The following NDUFAF2 variants were observed in gnomAD, a reference collection of about 807,000 sequenced individuals.
NDUFAF2 encodes NADH:ubiquinone oxidoreductase complex assembly factor 2.
In NDUFAF2, 13 loss-of-function variants were observed where a neutral mutation model predicts 22.8. That is an observed-to-expected ratio of 0.57 (90% CI 0.37 to 0.91). The LOEUF (loss-of-function observed/expected upper bound fraction) is 0.91. Among genes scored for constraint, NDUFAF2 ranks in the 40% least tolerant of loss-of-function variants. The pLI is 0.01. For synonymous variants in NDUFAF2, 53 were observed against 64.2 expected (o/e 0.83, Z 0.84); for missense variants, 162 against 195.2 (o/e 0.83, Z 1.01).
intron 1 of NDUFAF2, among the ~76,000 whole-genome samples, chr5:61,015,688 A>G (rs142652393): frequency 9.4e-4 from 143 of 152,330 alleles, no homozygotes; most frequent in Non-Finnish European, 1.7e-3. Flanking sequence ...ACATTAGTGC[A>G]CAGAAAATTC....
At chr5:61,074,115 T>A (rs1266049434) in intron 2 of NDUFAF2, among the ~76,000 whole-genome samples, 1 of 152,228 alleles carries the variant, frequency 6.6e-6, no homozygotes, top group Non-Finnish European at 1.5e-5. Context: ...GCATAGTGCC[T>A]GGCACATTGT....
chr5:61,077,896 AG>A (rs139289941), intron 2 of NDUFAF2, among the ~76,000 whole-genome samples: 116 of 152,358 alleles, frequency 7.6e-4, no homozygotes, highest in Middle Eastern at 3.4e-3. Flanking sequence ...GAGTGATTTA[AG>A]TAAGTTCCTA....
In NDUFAF2 at chr5:61,152,896, G is replaced by A. The variant is rs9885480; in HGVS notation, c.451G>A (p.Gly151Ser). Reference protein sequence around the residue: ...EEPSVAPSSTGKTFQPGSWMP... With the variant: ...EEPSVAPSSTSKTFQPGSWMP... ...ACCCTCAGTGGCTCCCAGCAGCACT[G>A]GTAAAACCTTTCAGCCAGGATCCTG... Residue 151 changes from glycine (G) to serine (S), a missense_variant, in exon 4 of 4, where the codon GGT becomes AGT. By Grantham distance (56) the Gly-to-Ser change is moderately conservative. Transcript: ENST00000296597. 5,433 of 1,613,166 alleles carry A rather than the reference G, an allele frequency of 3.4e-3. 34 individuals are homozygous for A. Among genetic ancestry groups the A allele is most frequent in the Non-Finnish European group, 3.0e-3 (3,546 of 1,179,488 alleles).
At chr5:61,076,669 A>T (rs2111736827) in intron 2 of NDUFAF2, among the ~76,000 whole-genome samples, 1 of 152,338 alleles carries the variant, frequency 6.6e-6, no homozygotes, top group Non-Finnish European at 1.5e-5. Context: ...ACTGGAAGCC[A>T]TTGTAGGGTT....
At chr5:61,149,745 G>C (rs1469746284) in intron 3 of NDUFAF2, among the ~76,000 whole-genome samples, 1 of 152,088 alleles carries the variant, frequency 6.6e-6, no homozygotes. Context: ...TTTGATAAAC[G>C]TATGGAGATA....
At chr5:60,949,567 G>T (rs892626844) in intron 1 of NDUFAF2, among the ~76,000 whole-genome samples, 1 of 152,192 alleles carries the variant, frequency 6.6e-6, no homozygotes, top group African/African-American at 2.4e-5. Flanking sequence ...ACCTAAGAGT[G>T]TGAGTGCTTG....
At chr5:60,965,429 A>G (rs1175616953) in intron 1 of NDUFAF2, among the ~76,000 whole-genome samples, 1 of 152,176 alleles carries the variant, frequency 6.6e-6, no homozygotes, top group Non-Finnish European at 1.5e-5. Flanking sequence ...ATACATTACT[A>G]TTAAATATAG....
chr5:61,046,228 G>C (rs1214899132), intron 1 of NDUFAF2, among the ~76,000 whole-genome samples: 1 of 152,032 alleles, frequency 6.6e-6, no homozygotes, highest in Admixed American at 6.6e-5. Flanking sequence ...GTATTTTGTT[G>C]AGGAATTTTG....
At chr5:61,028,998 C>T (rs1029578318) in intron 1 of NDUFAF2, among the ~76,000 whole-genome samples, 1 of 150,702 alleles carries the variant, frequency 6.6e-6, no homozygotes, top group South Asian at 2.1e-4. Flanking sequence ...TCTTATGGAA[C>T]TCTGTGCCCT....
intron 2 of NDUFAF2, among the ~76,000 whole-genome samples, chr5:61,080,192 A>C (rs1325977735): frequency 1.3e-5 from 2 of 152,176 alleles, no homozygotes; most frequent in African/African-American, 4.8e-5. Context: ...TAGTTGAAAG[A>C]CATTTGAGTC....
At chr5:60,966,016 T>C (rs1750754005) in intron 1 of NDUFAF2, among the ~76,000 whole-genome samples, 2 of 152,142 alleles carry the variant, frequency 1.3e-5, no homozygotes, top group African/African-American at 2.4e-5. Flanking sequence ...TTTCTCTACA[T>C]TGTCGACAAC....
intron 1 of NDUFAF2, among the ~76,000 whole-genome samples, chr5:61,041,509 TG>T (rs1751882243): frequency 6.6e-6 from 1 of 152,150 alleles, no homozygotes; most frequent in Non-Finnish European, 1.5e-5. Context: ...TTAGAGAGAT[TG>T]TAGGTAAGAA....
chr5:61,040,286 A>ACACACACACACGCGCGCGCG (rs1491193758), intron 1 of NDUFAF2, among the ~76,000 whole-genome samples: 1 of 93,072 alleles, frequency 1.1e-5, no homozygotes, highest in African/African-American at 4.3e-5. Context: ...ACACACACAC[A>ACACACACACACGCGCGCGCG]CGCGCGCGCG....
chr5:61,042,836 T>C (rs1297089358), intron 1 of NDUFAF2, among the ~76,000 whole-genome samples: 1 of 152,146 alleles, frequency 6.6e-6, no homozygotes, highest in African/African-American at 2.4e-5. Context: ...CCTAAATGCA[T>C]ATTACCAGAG....
intron 3 of NDUFAF2, among the ~76,000 whole-genome samples, chr5:61,129,784 A>G (rs1194015442): frequency 2.0e-5 from 3 of 152,166 alleles, no homozygotes; most frequent in Non-Finnish European, 2.9e-5. Context: ...TAGAACTTAA[A>G]GTATAATAAA....
At chr5:60,987,179 G>T (rs1561535314) in intron 1 of NDUFAF2, among the ~76,000 whole-genome samples, 2 of 152,104 alleles carry the variant, frequency 1.3e-5, no homozygotes, top group African/African-American at 4.8e-5. Context: ...AACTCCAGAA[G>T]AAATGGCTAA....
At chr5:60,989,122 AAAG>A (rs1751122080) in intron 1 of NDUFAF2, among the ~76,000 whole-genome samples, 1 of 152,224 alleles carries the variant, frequency 6.6e-6, no homozygotes, top group Non-Finnish European at 1.5e-5. Flanking sequence ...ATGTTTTTCA[AAAG>A]AAGACATACA....
intron 1 of NDUFAF2, among the ~76,000 whole-genome samples, chr5:60,976,427 T>C (rs1750903764): frequency 6.6e-6 from 1 of 152,138 alleles, no homozygotes; most frequent in African/African-American, 2.4e-5. Context: ...TATTCACATA[T>C]TATAGTCTTT....
chr5:61,007,906 G>T (rs896831553), intron 1 of NDUFAF2, among the ~76,000 whole-genome samples: 3 of 151,936 alleles, frequency 2.0e-5, no homozygotes, highest in Non-Finnish European at 4.4e-5. Flanking sequence ...CGAAGCCAAA[G>T]GTCCAACAAT....
Sources: gnomAD v4.1 joint callset for allele counts (sites outside exome capture counted in the v4.1 genomes callset) on GRCh38, gnomAD v4.1.1 for gene constraint, MANE v1.5 for transcripts, NCBI Gene and HGNC (gene_info 2026-07-23, HGNC 2026-07-21) for gene names.